Variants in ETV6 observed in about 807,000 individuals in gnomAD.
ETV6 encodes transcription factor ETV6.
Under a neutral mutation model 51.1 loss-of-function variants are expected in ETV6, and 16 were observed. The observed-to-expected ratio is 0.31, with a 90% confidence interval of 0.21 to 0.48. The LOEUF is 0.48. Ranked by LOEUF, ETV6 falls within the 20% of genes least tolerant of loss-of-function variation. The pLI, the probability that ETV6 is intolerant of heterozygous loss-of-function variation, is 0.99. For missense variants in ETV6, 458 were observed against 594.8 expected (o/e 0.77, Z 2.39); for synonymous variants, 240 against 224.1 (o/e 1.07, Z -0.64).
intron 1 of ETV6, among the ~76,000 whole-genome samples, chr12:11,679,537 C>T (rs1310465585): frequency 6.6e-6 from 1 of 152,210 alleles, no homozygotes; most frequent in African/African-American, 2.4e-5. Context: ...ACAGAGTGAT[C>T]TTTTCTTTCC....
chr12:11,866,549 C>T lies in ETV6; in HGVS notation c.464-2875C>T, dbSNP rs577338939. Among the ~76,000 whole-genome samples, 11 of 152,256 alleles carry T rather than the reference C, an allele frequency of 7.2e-5. No homozygotes were observed. The East Asian group carries it at 2.1e-3, about 29-fold the overall frequency. On this transcript the variant is annotated intron_variant, in intron 4 of 7. Coordinates refer to ENST00000396373, the MANE Select transcript of ETV6 (RefSeq NM_001987.5). The stretch of plus-strand genomic sequence containing the variant: ...TACTTTGAATCTGTAGAGGCATGGT[C>T]TTACGTTTCATTAGGTCCAATCTGT...
rs771985585 is a variant in ETV6 at position 11,891,529 on chromosome 12, A to G, written c.*483A>G. ...GCTGGTCAGGAAAGAGAATACTTGC[A>G]GAGGGGTTCAGGTTCCTCTTTTTCC... On this transcript the variant is annotated 3_prime_UTR_variant, in exon 8 of 8. Coordinates refer to ENST00000396373, the MANE Select transcript of ETV6 (RefSeq NM_001987.5). 2.8e-5 allele frequency: 15 copies of G among 533,848 alleles called. No homozygotes were observed. Among genetic ancestry groups the G allele is most frequent in the South Asian group, 2.3e-4 (15 of 64,874 alleles). 33.1% of individuals were successfully genotyped at this position (533,848 alleles called of 1,614,324 possible).
At chr12:11,711,644 C>T (rs1226501489) in intron 1 of ETV6, among the ~76,000 whole-genome samples, 1 of 152,182 alleles carries the variant, frequency 6.6e-6, no homozygotes, top group Non-Finnish European at 1.5e-5. Flanking sequence ...GTTTTCCAAA[C>T]ATTTATCCTT....
intron 1 of ETV6, among the ~76,000 whole-genome samples, chr12:11,658,319 T>C (rs1864040220): frequency 6.6e-6 from 1 of 152,206 alleles, no homozygotes; most frequent in Admixed American, 6.5e-5. Flanking sequence ...CACTGCAACC[T>C]CTGCCTCCCA....
intron 1 of ETV6, among the ~76,000 whole-genome samples, chr12:11,719,865 GA>G (rs1865348360): frequency 6.6e-6 from 1 of 152,214 alleles, no homozygotes; most frequent in South Asian, 2.1e-4. Context: ...TTCCCTCACT[GA>G]GATAGGAAGC....
chr12:11,719,805 AC>A, intron 1 of ETV6, among the ~76,000 whole-genome samples: 1 of 152,212 alleles, frequency 6.6e-6, no homozygotes, highest in South Asian at 2.1e-4. Flanking sequence ...CTGGTAACAG[AC>A]CCTCTGCCTC....
chr12:11,804,770 A>G (rs1276067277), intron 2 of ETV6, among the ~76,000 whole-genome samples: 1 of 152,148 alleles, frequency 6.6e-6, no homozygotes, highest in Non-Finnish European at 1.5e-5. Flanking sequence ...TCTATTCAAA[A>G]TGGCCATTCT....
intron 2 of ETV6, among the ~76,000 whole-genome samples, chr12:11,792,082 A>G (rs993658220): frequency 6.6e-6 from 1 of 152,252 alleles, no homozygotes; most frequent in African/African-American, 2.4e-5. Context: ...ATCCACAGCA[A>G]ATAGATAAAT....
intron 6 of ETV6, among the ~76,000 whole-genome samples, chr12:11,884,811 C>T (rs1183759529): frequency 6.6e-6 from 1 of 152,158 alleles, no homozygotes; most frequent in Non-Finnish European, 1.5e-5. Context: ...CTCACATATC[C>T]TGGTTTGCTG....
At position 11,760,548 on chromosome 12, in the gene ETV6, C is replaced by CT. The variant is rs201422218; in HGVS notation, c.163+7975dup. 2.3e-3 allele frequency among the ~76,000 whole-genome samples: 352 copies of CT among 152,258 alleles called. 1 individual carries two copies. The highest frequency in any genetic ancestry group is 8.1e-3 in the African/African-American group (338 of 41,534). ...GTTTGTAAGGGAAGATGTAACAATACTTTTTTAAAAGCACCTAGGACAAGT... is the reference window on the plus strand; with the variant it reads ...GTTTGTAAGGGAAGATGTAACAATACTTTTTTTAAAAGCACCTAGGACAAGT... On this transcript the variant is annotated intron_variant, in intron 2 of 7. Transcript: ENST00000396373.
At chr12:11,854,431 C>CTG (rs1284493581) in intron 4 of ETV6, among the ~76,000 whole-genome samples, 15 of 152,236 alleles carry the variant, frequency 9.9e-5, no homozygotes, top group African/African-American at 2.9e-4. Context: ...CAGCAGGATT[C>CTG]TGATAAGCAA....
chr12:11,695,002 C>A (rs530183498), intron 1 of ETV6, among the ~76,000 whole-genome samples: 6 of 152,226 alleles, frequency 3.9e-5, no homozygotes, highest in Admixed American at 2.6e-4. Flanking sequence ...CATCTCTGTA[C>A]CCTTTGTATA....
chr12:11,861,944 C>T (rs527817375), intron 4 of ETV6, among the ~76,000 whole-genome samples: 20 of 152,120 alleles, frequency 1.3e-4, no homozygotes, highest in Non-Finnish European at 1.9e-4. Flanking sequence ...AGGAGACTCC[C>T]CTATACTGCC....
At chr12:11,747,046 G>A (rs1010721856) in intron 1 of ETV6, among the ~76,000 whole-genome samples, 7 of 152,040 alleles carry the variant, frequency 4.6e-5, no homozygotes, top group South Asian at 2.1e-4. Context: ...CTGGTGAAGC[G>A]GGCTCCTTGG....
chr12:11,836,285 A>G (rs887376388), intron 2 of ETV6, among the ~76,000 whole-genome samples: 4 of 152,222 alleles, frequency 2.6e-5, no homozygotes, highest in Admixed American at 2.6e-4. Context: ...GCCTCTTTCC[A>G]GCTCGGTGAA....
chr12:11,749,146 G>A (rs906120552), intron 1 of ETV6, among the ~76,000 whole-genome samples: 9 of 152,010 alleles, frequency 5.9e-5, no homozygotes, highest in African/African-American at 1.5e-4. Flanking sequence ...ACCACATCAC[G>A]GCATTCTGAG....
chr12:11,749,364 A>C, intron 1 of ETV6, among the ~76,000 whole-genome samples: 1 of 145,882 alleles, frequency 6.9e-6, no homozygotes, highest in Non-Finnish European at 1.5e-5. Flanking sequence ...TACTCCCCAT[A>C]ATGTTAAAAG....
intron 1 of ETV6, among the ~76,000 whole-genome samples, chr12:11,672,476 C>A (rs1000877401): frequency 2.6e-5 from 4 of 152,184 alleles, no homozygotes; most frequent in Non-Finnish European, 4.4e-5. Flanking sequence ...TGCCAGCCCC[C>A]CTCCTAACTT....
intron 1 of ETV6, among the ~76,000 whole-genome samples, chr12:11,680,658 C>T (rs1864509829): frequency 6.6e-6 from 1 of 152,212 alleles, no homozygotes; most frequent in South Asian, 2.1e-4. Flanking sequence ...CACCTTCAGG[C>T]AGCAAAATCA....
Sources: gnomAD v4.1 joint callset for allele counts (sites outside exome capture counted in the v4.1 genomes callset) on GRCh38, gnomAD v4.1.1 for gene constraint, MANE v1.5 for transcripts, NCBI Gene and HGNC (gene_info 2026-07-23, HGNC 2026-07-21) for gene names.